MAST2: variants seen among roughly 807,000 people sequenced by gnomAD.
The protein encoded by MAST2 is microtubule-associated serine/threonine-protein kinase 2.
MAST2 carries 70 observed loss-of-function variants against 147.4 expected under a neutral mutation model. The ratio of observed to expected loss-of-function variants is 0.47; its 90% CI spans 0.39 to 0.58. The LOEUF is 0.58. Ranked by LOEUF, MAST2 falls within the 20% of genes least tolerant of loss-of-function variation. The probability of loss-of-function intolerance (pLI) is 0.00; values close to 1 mark genes in which losing one functional copy is unlikely to be tolerated. For synonymous variants in MAST2, 869 were observed against 896.8 expected (o/e 0.97, Z 0.55); for missense variants, 2,080 against 2,302.3 (o/e 0.90, Z 1.98).
chr1:45,884,079 AT>A (rs1343875229), intron 4 of MAST2, among the ~76,000 whole-genome samples: 1 of 151,894 alleles, frequency 6.6e-6, no homozygotes, highest in Admixed American at 6.6e-5. Context: ...GAGTATTCTT[AT>A]TTTTATTTTA....
intron 5 of MAST2, among the ~76,000 whole-genome samples, chr1:45,980,316 A>G (rs1037937523): frequency 4.7e-5 from 7 of 150,404 alleles, no homozygotes; most frequent in African/African-American, 1.7e-4. Flanking sequence ...AAGATTGGAG[A>G]CTACTTAGAG....
At chr1:45,950,479 T>A (rs1474064441) in intron 4 of MAST2, among the ~76,000 whole-genome samples, 2 of 152,190 alleles carry the variant, frequency 1.3e-5, no homozygotes, top group Non-Finnish European at 2.9e-5. Flanking sequence ...ATAGGGCTTT[T>A]AATAAAGGAA....
chr1:45,857,532 A>G (rs1645829064), intron 3 of MAST2, among the ~76,000 whole-genome samples: 1 of 152,206 alleles, frequency 6.6e-6, no homozygotes, highest in Admixed American at 6.5e-5. Context: ...TTTGTGCTGG[A>G]TGGGGCACCA....
chr1:45,906,255 G>A (rs1417661561), intron 4 of MAST2, among the ~76,000 whole-genome samples: 5 of 152,058 alleles, frequency 3.3e-5, no homozygotes, highest in Admixed American at 6.6e-5. Context: ...ATAGACACTG[G>A]TGATCCCATA....
intron 16 of MAST2, among the ~76,000 whole-genome samples, chr1:46,027,440 C>T (rs1646459486): frequency 6.6e-6 from 1 of 152,164 alleles, no homozygotes; most frequent in Non-Finnish European, 1.5e-5. Flanking sequence ...AAACTCTGTT[C>T]CTCAACTGAA....
At chr1:45,854,181 A>G (rs1645714674) in intron 3 of MAST2, among the ~76,000 whole-genome samples, 1 of 152,088 alleles carries the variant, frequency 6.6e-6, no homozygotes, top group Non-Finnish European at 1.5e-5. Context: ...TACTAAAAAT[A>G]TAACAATTAG....
chr1:45,827,658 T>C (rs1050204576), intron 2 of MAST2, among the ~76,000 whole-genome samples: 3 of 118,466 alleles, frequency 2.5e-5, no homozygotes, highest in Admixed American at 9.1e-5. Context: ...TCATCATCAT[T>C]ATTTTTTTTT....
intron 4 of MAST2, among the ~76,000 whole-genome samples, chr1:45,886,914 C>A (rs1033401200): frequency 6.6e-6 from 1 of 152,142 alleles, no homozygotes; most frequent in Non-Finnish European, 1.5e-5. Flanking sequence ...GCAGCCTGGT[C>A]CTCCCTGGCC....
At chr1:46,006,450 A>C in intron 8 of MAST2, 55 bp downstream of exon 8, 7 of 1,572,892 alleles carry the variant, frequency 4.5e-6, no homozygotes, top group Non-Finnish European at 5.2e-6. Context: ...GCTTGTTTGC[A>C]TAACACAGAG....
chr1:46,029,761 T>G, intron 19 of MAST2, 70 bp from the exon 20 acceptor site: 7 of 1,578,306 alleles, frequency 4.4e-6, no homozygotes, highest in Non-Finnish European at 6.0e-6. Flanking sequence ...TCTGGCTTCT[T>G]GCTAGATTTG....
chr1:45,905,331 T>G (rs1253646765), intron 4 of MAST2, among the ~76,000 whole-genome samples: 1 of 151,948 alleles, frequency 6.6e-6, no homozygotes, highest in Non-Finnish European at 1.5e-5. Context: ...AGTACAGGCA[T>G]GCGCCACCGC....
intron 4 of MAST2, among the ~76,000 whole-genome samples, chr1:45,911,267 G>A: frequency 6.6e-6 from 1 of 152,186 alleles, no homozygotes; most frequent in East Asian, 1.9e-4. Flanking sequence ...ACTCTGTGTG[G>A]GGATGTGTTA....
chr1:45,958,113 C>T (rs1247373241), intron 4 of MAST2, among the ~76,000 whole-genome samples: 1 of 152,078 alleles, frequency 6.6e-6, no homozygotes, highest in Non-Finnish European at 1.5e-5. Flanking sequence ...TCCATGGTGA[C>T]TGAGGTAGTT....
intron 4 of MAST2, among the ~76,000 whole-genome samples, chr1:45,941,007 C>G (rs994359000): frequency 6.6e-6 from 1 of 152,166 alleles, no homozygotes; most frequent in Non-Finnish European, 1.5e-5. Context: ...AGCTGGCAAG[C>G]TCTGATTGGT....
At chr1:45,852,112 TATC>T (rs1645640117) in intron 3 of MAST2, among the ~76,000 whole-genome samples, 1 of 152,090 alleles carries the variant, frequency 6.6e-6, no homozygotes, top group African/African-American at 2.4e-5. Context: ...ATTTGTACAA[TATC>T]ATTAACTAGA....
intron 3 of MAST2, among the ~76,000 whole-genome samples, chr1:45,848,683 C>A (rs1375003204): frequency 6.6e-6 from 1 of 152,096 alleles, no homozygotes; most frequent in Non-Finnish European, 1.5e-5. Context: ...TGACCCCTGA[C>A]ACAGGTAGTC....
intron 4 of MAST2, among the ~76,000 whole-genome samples, chr1:45,921,282 C>T (rs1175054379): frequency 2.0e-5 from 3 of 152,204 alleles, no homozygotes; most frequent in Non-Finnish European, 4.4e-5. Context: ...GTGTGAGCCA[C>T]CGTGCCCAGC....
At chr1:45,949,271 C>T (rs1227167649) in intron 4 of MAST2, among the ~76,000 whole-genome samples, 1 of 152,090 alleles carries the variant, frequency 6.6e-6, no homozygotes, top group Admixed American at 6.5e-5. Flanking sequence ...AAACTATCAA[C>T]AGAGTAAACA....
intron 4 of MAST2, among the ~76,000 whole-genome samples, chr1:45,897,821 A>G (rs1172155157): frequency 1.3e-5 from 2 of 151,514 alleles, no homozygotes; most frequent in Non-Finnish European, 2.9e-5. Context: ...AAAAACAAAT[A>G]GAGCCAGGCA....
Sources: allele counts gnomAD v4.1 joint callset (sites outside exome capture counted in the v4.1 genomes callset), GRCh38; gene constraint gnomAD v4.1.1; transcripts MANE v1.5; gene names NCBI Gene and HGNC (gene_info 2026-07-23, HGNC 2026-07-21).